ARAP2: variants seen among roughly 807,000 people sequenced by gnomAD.
ARAP2 encodes the protein ArfGAP with RhoGAP domain, ankyrin repeat and PH domain 2.
In ARAP2, 148 loss-of-function variants were observed where a neutral mutation model predicts 194.5. That is an observed-to-expected ratio of 0.76 (90% CI 0.67 to 0.87). The LOEUF (loss-of-function observed/expected upper bound fraction) is 0.87. Among genes scored for constraint, ARAP2 ranks in the 40% least tolerant of loss-of-function variants. ARAP2 has a pLI of 0.00. For synonymous variants in ARAP2, 695 were observed against 683.5 expected, an observed-to-expected ratio of 1.02 and a Z score of -0.26; for missense variants, 2,128 against 1,989.7, an observed-to-expected ratio of 1.07 and a Z score of -1.32.
chr4:36,220,560 AT>A (rs71653579), intron 2 of ARAP2, among the ~76,000 whole-genome samples: 67 of 148,852 alleles, frequency 4.5e-4, no homozygotes, highest in East Asian at 1.4e-3. Flanking sequence ...CCTTCCACTT[AT>A]TTTTTTTTTA....
chr4:36,126,272 T>G (rs1473313632), intron 21 of ARAP2, among the ~76,000 whole-genome samples: 1 of 152,054 alleles, frequency 6.6e-6, no homozygotes, highest in Non-Finnish European at 1.5e-5. Context: ...AAATTGCATT[T>G]ATTCCTTAAA....
intron 2 of ARAP2, among the ~76,000 whole-genome samples, chr4:36,055,719 A>G (rs1369829307): frequency 6.6e-6 from 1 of 152,016 alleles, no homozygotes; most frequent in Non-Finnish European, 1.5e-5. Context: ...ATGTACCACC[A>G]TGACAAGCTA....
In ARAP2 at chr4:36,233,099, A is replaced by C. The variant is rs140904302; in HGVS notation, c.-159-3454T>G. On this transcript the variant is annotated intron_variant, in intron 1 of 32. Transcript: ENST00000303965. ...GCCCTAAAATCCTCTCTGCACATTA[A>C]TGTCAACTCTGTCCTCCAATTGTCT... is the stretch of plus-strand genomic sequence containing the variant. 6.3e-3 allele frequency among the ~76,000 whole-genome samples: 955 copies of C among 152,258 alleles called. 9 individuals carry two copies. The highest frequency in any genetic ancestry group is 0.019 in the East Asian group (100 of 5,188).
intron 16 of ARAP2, among the ~76,000 whole-genome samples, chr4:36,148,822 C>T (rs952673949): frequency 1.3e-5 from 2 of 152,138 alleles, no homozygotes; most frequent in African/African-American, 4.8e-5. Flanking sequence ...TCTCACCACT[C>T]CTTCTTGATT....
chr4:36,124,528 A>G (rs1723412708), intron 22 of ARAP2, among the ~76,000 whole-genome samples: 1 of 151,902 alleles, frequency 6.6e-6, no homozygotes, highest in Non-Finnish European at 1.5e-5. Flanking sequence ...ATAAACTGAT[A>G]ATAAAGAAAT....
At chr4:36,185,159 A>C (rs2109881659) in intron 8 of ARAP2, among the ~76,000 whole-genome samples, 1 of 152,346 alleles carries the variant, frequency 6.6e-6, no homozygotes, top group East Asian at 1.9e-4. Flanking sequence ...TTATCTAACA[A>C]GACTTTATTT....
intron 6 of ARAP2, among the ~76,000 whole-genome samples, chr4:36,205,764 G>A (rs1469700089): frequency 6.6e-6 from 1 of 152,206 alleles, no homozygotes; most frequent in Non-Finnish European, 1.5e-5. Flanking sequence ...AATGAATGAT[G>A]TCTGTCTGAT....
intron 8 of ARAP2, among the ~76,000 whole-genome samples, chr4:36,185,413 C>T (rs1165788502): frequency 6.6e-6 from 1 of 152,038 alleles, no homozygotes; most frequent in African/African-American, 2.4e-5. Flanking sequence ...CTGGTGACAT[C>T]ATAAACCACT....
chr4:36,081,522 A>C (rs771610325), intron 30 of ARAP2, among the ~76,000 whole-genome samples: 20 of 152,182 alleles, frequency 1.3e-4, no homozygotes, highest in East Asian at 5.8e-4. Context: ...ATAGCCTTGC[A>C]TGCCACGCAA....
At chr4:36,007,097 A>G (rs1484940630) in intron 9 of ARAP2, 1 of 152,184 alleles carries the variant, frequency 6.6e-6, no homozygotes, top group Non-Finnish European at 1.5e-5. Flanking sequence ...AATTAGCACT[A>G]TAGCTGTATC....
At chr4:36,151,793 T>C (rs1456629371) in intron 15 of ARAP2, among the ~76,000 whole-genome samples, 3 of 152,116 alleles carry the variant, frequency 2.0e-5, no homozygotes, top group African/African-American at 7.2e-5. Flanking sequence ...TACATACATA[T>C]GATACATATG....
chr4:36,099,473 G>A (rs772285242), intron 27 of ARAP2, among the ~76,000 whole-genome samples: 5 of 151,962 alleles, frequency 3.3e-5, no homozygotes, highest in East Asian at 1.9e-4. Context: ...TTACAATATC[G>A]TACGCCTGTC....
At chr4:36,174,522 TAAAG>T (rs1737378008) in intron 9 of ARAP2, among the ~76,000 whole-genome samples, 2 of 152,176 alleles carry the variant, frequency 1.3e-5, no homozygotes, top group African/African-American at 2.4e-5. Context: ...TCTTAAAGCC[TAAAG>T]ATAGGCTTTA....
intron 9 of ARAP2, among the ~76,000 whole-genome samples, chr4:36,173,978 AAAGG>A (rs1370460184): frequency 6.6e-6 from 1 of 152,212 alleles, no homozygotes; most frequent in East Asian, 1.9e-4. Flanking sequence ...TCATCATCAG[AAAGG>A]AAGACAAGGC....
At chr4:36,113,603 T>C (rs1042629886) in intron 26 of ARAP2, among the ~76,000 whole-genome samples, 5 of 151,924 alleles carry the variant, frequency 3.3e-5, no homozygotes, top group African/African-American at 9.7e-5. Flanking sequence ...TGTATTATTT[T>C]TTTTTCTGGA....
At chr4:36,013,398 T>C (rs2109314525) in intron 8 of ARAP2, among the ~76,000 whole-genome samples, 1 of 152,060 alleles carries the variant, frequency 6.6e-6, no homozygotes, top group East Asian at 1.9e-4. Context: ...CTAAAAAGGG[T>C]GAGGAATTAG....
At chr4:36,033,950 A>C (rs1341842948) in intron 5 of ARAP2, among the ~76,000 whole-genome samples, 1 of 151,980 alleles carries the variant, frequency 6.6e-6, no homozygotes, top group Non-Finnish European at 1.5e-5. Flanking sequence ...TGAAAATCAG[A>C]TGGTTGCAGG....
chr4:36,055,132 T>G (rs1053309355), intron 2 of ARAP2, among the ~76,000 whole-genome samples: 4 of 152,188 alleles, frequency 2.6e-5, no homozygotes, highest in South Asian at 4.1e-4. Context: ...GATCTATGAG[T>G]GCATTTAAAA....
chr4:36,010,832 C>T (rs575700873), intron 9 of ARAP2, among the ~76,000 whole-genome samples: 60 of 152,204 alleles, frequency 3.9e-4, no homozygotes, highest in East Asian at 9.7e-4. Flanking sequence ...CTTTTGTGGG[C>T]GGAGCAGTTT....
Sources: gnomAD v4.1 joint callset for allele counts (sites outside exome capture counted in the v4.1 genomes callset) on GRCh38, gnomAD v4.1.1 for gene constraint, MANE v1.5 for transcripts, NCBI Gene and HGNC (gene_info 2026-07-23, HGNC 2026-07-21) for gene names.